PHKA2: variants seen among roughly 807,000 people sequenced by gnomAD.
PHKA2 encodes the protein phosphorylase b kinase regulatory subunit alpha, liver isoform.
A neutral mutation model predicts 102.0 loss-of-function variants in PHKA2; 31 were observed. That is an observed-to-expected ratio of 0.30 (90% confidence interval 0.23 to 0.41). The LOEUF is 0.41. PHKA2 is among the 10% of genes least tolerant of loss of function. The pLI, the probability that PHKA2 is intolerant of heterozygous loss-of-function variation, is 1.00. For synonymous variants in PHKA2, 455 were observed against 416.2 expected, an observed-to-expected ratio of 1.09 and a Z score of -1.13; for missense variants, 858 against 1,023.1, an observed-to-expected ratio of 0.84 and a Z score of 2.20.
rs377629807 is a variant in PHKA2 at position 18,920,038 on chromosome X, T to G, written c.1957A>C (p.Asn653His). 3.1e-5 allele frequency: 37 copies of G among 1,198,233 alleles called. No homozygotes were observed. The highest frequency in any genetic ancestry group is 2.5e-5 in the Non-Finnish European group (22 of 884,972). Reference protein sequence around the residue: ...DLVGYLEDTCNQESQDELDHY... With the variant: ...DLVGYLEDTCHQESQDELDHY... ...AAAGCATTCCAAGCTGTACCTTGAT[T>G]ACAGGTGTCTTCCAGATATCCTACC... is the stretch of plus-strand genomic sequence containing the variant. The change falls in exon 18 of 33, where the codon AAT becomes CAT. Residue 653 changes from asparagine (N) to histidine (H), a missense_variant. This residue lies in a region of PHKA2 where 671 missense variants were observed against 745.2 expected (regional missense o/e 0.90). Coordinates refer to ENST00000379942, the MANE Select transcript of PHKA2 (RefSeq NM_000292.3).
At chrX:18,961,076 G>C (rs751498675) in intron 1 of PHKA2, among the ~76,000 whole-genome samples, 2 of 112,051 alleles carry the variant, frequency 1.8e-5, no homozygotes, top group East Asian at 5.6e-4. Context: ...ACCATATTGA[G>C]TCTTCTGATC....
In PHKA2 at chrX:18,911,327, C is replaced by A. The variant is rs898592590; in HGVS notation, c.2138-367G>T. ...TAGCTGGGATTATAGGCATGTGCCACCACGCCTGGCTAATTTTGTATCTTT... is the reference window on the plus strand; with the variant it reads ...TAGCTGGGATTATAGGCATGTGCCAACACGCCTGGCTAATTTTGTATCTTT... On this transcript the variant is annotated intron_variant, in intron 19 of 32. Transcript: ENST00000379942. Among the ~76,000 whole-genome samples the A allele has an allele frequency of 2.7e-5, 3 of 111,497 alleles. No homozygotes were observed. In the Admixed American group the frequency reaches 2.9e-4, roughly 11 times the overall value.
At chrX:18,955,117 G>A (rs1245019660) in intron 1 of PHKA2, among the ~76,000 whole-genome samples, 1 of 112,705 alleles carries the variant, frequency 8.9e-6, no homozygotes, top group African/African-American at 3.2e-5. Flanking sequence ...ACTGATAAAT[G>A]GATAAACGAA....
At chrX:18,976,811 C>T (rs987734814) in intron 1 of PHKA2, among the ~76,000 whole-genome samples, 5 of 111,344 alleles carry the variant, frequency 4.5e-5, no homozygotes, top group Non-Finnish European at 9.4e-5. Context: ...CTCCTGATCC[C>T]TCTCACCAAC....
chrX:18,900,942 G>A (rs942628390), intron 27 of PHKA2, among the ~76,000 whole-genome samples: 2 of 110,199 alleles, frequency 1.8e-5, no homozygotes, highest in African/African-American at 6.6e-5. Flanking sequence ...GCAAGGCCTA[G>A]CACAGCACCC....
intron 26 of PHKA2, among the ~76,000 whole-genome samples, chrX:18,904,493 T>A (rs1488820452): frequency 1.1e-4 from 12 of 112,786 alleles, no homozygotes; most frequent in Non-Finnish European, 2.1e-4. Context: ...CATCTATAGC[T>A]GTACATCTAA....
chrX:18,945,710 A>G, intron 5 of PHKA2, among the ~76,000 whole-genome samples: 1 of 111,405 alleles, frequency 9.0e-6, no homozygotes, highest in Admixed American at 9.5e-5. Context: ...TTACAAACCG[A>G]TTACTAGGGA....
chrX:18,947,928 C>T (rs771287951), intron 5 of PHKA2, among the ~76,000 whole-genome samples: 1 of 111,937 alleles, frequency 8.9e-6, no homozygotes, highest in East Asian at 2.8e-4. Flanking sequence ...TATGTTCTCA[C>T]TCCTAAGTGG....
chrX:18,951,403 G>T, intron 3 of PHKA2, 131 bp from the exon 4 acceptor site: 1 of 658,921 alleles, frequency 1.5e-6, no homozygotes, highest in Non-Finnish European at 2.5e-6. Context: ...ATGGAAGGCA[G>T]CTGCTAGGCA....
chrX:18,974,245 C>T (rs2049054827), intron 1 of PHKA2, among the ~76,000 whole-genome samples: 1 of 110,951 alleles, frequency 9.0e-6, no homozygotes, highest in Admixed American at 9.7e-5. Context: ...CCAACCACTG[C>T]TCTTATTTAC....
chrX:18,922,170 T>C (rs1380060935), intron 17 of PHKA2, among the ~76,000 whole-genome samples: 5 of 110,302 alleles, frequency 4.5e-5, no homozygotes, highest in Non-Finnish European at 7.6e-5. Context: ...TGCTTGAACC[T>C]GGGGGGTGGA....
At chrX:18,929,056 G>A (rs1212607589) in intron 13 of PHKA2, among the ~76,000 whole-genome samples, 172 bp downstream of exon 13, 3 of 112,777 alleles carry the variant, frequency 2.7e-5, no homozygotes, top group African/African-American at 9.7e-5. Context: ...GAAGAATTCT[G>A]TTGCCTTTGG....
At chrX:18,969,249 G>T (rs1224170706) in intron 1 of PHKA2, among the ~76,000 whole-genome samples, 1 of 111,112 alleles carries the variant, frequency 9.0e-6, no homozygotes, top group Admixed American at 9.6e-5. Flanking sequence ...GAAAATGTCT[G>T]CCAAATGCCC....
intron 1 of PHKA2, among the ~76,000 whole-genome samples, chrX:18,974,231 C>T (rs993358647): frequency 1.9e-4 from 21 of 110,728 alleles, no homozygotes; most frequent in African/African-American, 6.6e-4. Context: ...CCCCATATCT[C>T]CACCCAACCA....
At chrX:18,981,827 G>T (rs1231506503) in intron 1 of PHKA2, among the ~76,000 whole-genome samples, 2 of 110,063 alleles carry the variant, frequency 1.8e-5, no homozygotes, top group Non-Finnish European at 3.8e-5. Context: ...AGACAAGATA[G>T]TAGGCACTAA....
chrX:18,926,618 C>T (rs754844277), intron 13 of PHKA2, 31 bp from the exon 14 acceptor site: 2 of 1,196,062 alleles, frequency 1.7e-6, no homozygotes, highest in South Asian at 3.5e-5. Context: ...TGAGCGTTAG[C>T]TCATGACTCT....
At chrX:18,964,798 T>C (rs1389139044) in intron 1 of PHKA2, among the ~76,000 whole-genome samples, 2 of 112,872 alleles carry the variant, frequency 1.8e-5, no homozygotes, top group Non-Finnish European at 3.7e-5. Context: ...AAAAGATAGA[T>C]TTTGTACAAT....
chrX:18,917,535 A>T (rs2048039921), intron 19 of PHKA2, among the ~76,000 whole-genome samples: 1 of 111,419 alleles, frequency 9.0e-6, no homozygotes, highest in African/African-American at 3.3e-5. Flanking sequence ...CTGGGATTAC[A>T]GGTATGAGCC....
At chrX:18,934,686 T>C (rs1461843238) in intron 11 of PHKA2, among the ~76,000 whole-genome samples, 1 of 112,790 alleles carries the variant, frequency 8.9e-6, no homozygotes, top group Non-Finnish European at 1.9e-5. Flanking sequence ...GTGGTACCTT[T>C]TTTGCCATAA....
Sources: gnomAD v4.1 joint callset for allele counts (sites outside exome capture counted in the v4.1 genomes callset) on GRCh38, gnomAD v4.1.1 for gene constraint, gnomAD v4.1.1 regional missense constraint, MANE v1.5 for transcripts, NCBI Gene and HGNC (gene_info 2026-07-23, HGNC 2026-07-21) for gene names.